The following KCNA2 variants were observed in gnomAD, a reference collection of about 807,000 sequenced individuals.
KCNA2 encodes potassium voltage-gated channel subfamily A member 2.
KCNA2 carries 11 observed loss-of-function variants against 33.4 expected under a neutral mutation model. The observed-to-expected ratio is 0.33, with a 90% confidence interval of 0.21 to 0.55. KCNA2 has a LOEUF of 0.55. Ranked by LOEUF, KCNA2 falls within the 20% of genes least tolerant of loss-of-function variation. The pLI, the probability that KCNA2 is intolerant of heterozygous loss-of-function variation, is 0.93. For synonymous variants in KCNA2, 222 were observed against 231.3 expected, an observed-to-expected ratio of 0.96 and a Z score of 0.37; for missense variants, 291 against 621.6, an observed-to-expected ratio of 0.47 and a Z score of 5.66.
chr1:110,619,357 G>C (rs1287525859), intron 1 of KCNA2, among the ~76,000 whole-genome samples: 1 of 152,200 alleles, frequency 6.6e-6, no homozygotes, highest in African/African-American at 2.4e-5. Flanking sequence ...CCTTGTGCCT[G>C]GCACATAGGA....
chr1:110,618,332 T>C (rs1247397076), intron 1 of KCNA2, among the ~76,000 whole-genome samples: 5 of 152,150 alleles, frequency 3.3e-5, no homozygotes, highest in Non-Finnish European at 5.9e-5. Context: ...GACATGTGAG[T>C]GACCTGTCAG....
At position 110,597,560 on chromosome 1, in the gene KCNA2, G is replaced by A. The variant is rs554822582; in HGVS notation, c.*5723C>T. On this transcript the variant is annotated 3_prime_UTR_variant, in exon 3 of 3. Transcript: ENST00000316361. ...ACAAAGTGACAAAGCCCTCTCACAG[G>A]CCTTCCTTGTGCATACACTGCATCT... 2 of 985,392 alleles carry A rather than the reference G, an allele frequency of 2.0e-6. No individual in the cohort carries two copies. The highest frequency in any genetic ancestry group is 6.1e-5 in the Admixed American group (1 of 16,282). The allele number at this position is 985,392 out of a possible 1,614,324, so 61.0% of individuals were successfully genotyped here. A position where few individuals can be genotyped will look rare whatever the true frequency, so the allele number is the denominator to read the frequency against.
chr1:110,601,650 T>A lies in KCNA2; in HGVS notation c.*1633A>T. On this transcript the variant is annotated 3_prime_UTR_variant, in exon 3 of 3. Coordinates refer to ENST00000316361, the MANE Select transcript of KCNA2 (RefSeq NM_004974.4). Reference sequence around the variant, plus strand: ...CTAGGAATCCATGGATACCGGAGTGTCTGAGGCAATGGCAGCAAACCCAGG... The same window carrying A: ...CTAGGAATCCATGGATACCGGAGTGACTGAGGCAATGGCAGCAAACCCAGG... 1.9e-6 allele frequency: 2 copies of A among 1,038,730 alleles called. No homozygotes were observed. Among genetic ancestry groups the A allele is most frequent in the Non-Finnish European group, 2.3e-6 (2 of 865,350 alleles). 64.3% of individuals were successfully genotyped at this position (1,038,730 alleles called of 1,614,324 possible). A position where few individuals can be genotyped will look rare whatever the true frequency, so the allele number is the denominator to read the frequency against.
rs114740156 is a variant in KCNA2 at position 110,602,437 on chromosome 1, C to T, written c.*846G>A. 3,430 of 1,307,070 alleles carry T rather than the reference C, an allele frequency of 2.6e-3. 90 individuals carry two copies. The African/African-American group carries it at 0.047, about 18-fold the overall frequency. 81.0% of individuals were successfully genotyped at this position (1,307,070 alleles called of 1,614,324 possible). On this transcript the variant is annotated 3_prime_UTR_variant, in exon 3 of 3. Coordinates refer to ENST00000316361, the MANE Select transcript of KCNA2 (RefSeq NM_004974.4). ...TCTATTGCATCACTGGTAAATTTCA[C>T]TGCAGTGTCAGTGTAGCTGGGCCAC...
chr1:110,621,831 A>G (rs1444797064), intron 1 of KCNA2, among the ~76,000 whole-genome samples: 2 of 152,206 alleles, frequency 1.3e-5, no homozygotes, highest in African/African-American at 4.8e-5. Flanking sequence ...TAAAAAATAA[A>G]TATGTAGTTT....
Position 110,601,893 on chromosome 1 carries a change from T to TAA in KCNA2, c.*1388_*1389dup, listed in dbSNP as rs2101386678. 4 of 1,453,784 alleles carry TAA rather than the reference T, an allele frequency of 2.8e-6. No individual in the cohort carries two copies. The Admixed American group carries it at 9.8e-5, about 36-fold the overall frequency. 90.1% of individuals were successfully genotyped at this position (1,453,784 alleles called of 1,614,324 possible). A position where few individuals can be genotyped will look rare whatever the true frequency, so the allele number is the denominator to read the frequency against. On this transcript the variant is annotated 3_prime_UTR_variant, in exon 3 of 3. Transcript: ENST00000316361. ...TAGTGCACATAGTCAAACACATGCATAAATTGCCCTTTGTCAAAAATATTG... is the reference window on the plus strand; with the variant it reads ...TAGTGCACATAGTCAAACACATGCATAAAAATTGCCCTTTGTCAAAAATATTG...
chr1:110,630,934 C>T (rs1650539880), intron 1 of KCNA2, among the ~76,000 whole-genome samples: 1 of 152,212 alleles, frequency 6.6e-6, no homozygotes, highest in South Asian at 2.1e-4. Flanking sequence ...TTCCTTTCCA[C>T]CACCACCAGA....
Position 110,604,710 on chromosome 1 carries a change from G to T in KCNA2, c.73C>A (p.Pro25Thr). ...TCACAGCACTCGTGGTCTGCCTCTGGGTCATAGGTGTCCTGTGGGTGCCCA... is the reference window on the plus strand; with the variant it reads ...TCACAGCACTCGTGGTCTGCCTCTGTGTCATAGGTGTCCTGTGGGTGCCCA... ...LPGHPQDTYD[P>T]EADHECCERV... Residue 25 changes from proline (P) to threonine (T), a missense_variant, in exon 3 of 3, where the codon CCA becomes ACA. Pro to Thr is a conservative substitution (Grantham distance 38). Coordinates refer to ENST00000316361, the MANE Select transcript of KCNA2 (RefSeq NM_004974.4). The surrounding 1 kb of genome is among the most constrained non-coding windows in gnomAD (Gnocchi z 7.6). 6.2e-7 allele frequency: 1 copy of T among 1,614,146 alleles called. No homozygotes were observed. Among genetic ancestry groups the T allele is most frequent in the Non-Finnish European group, 8.5e-7 (1 of 1,180,026 alleles).
chr1:110,597,531 G>GGA lies in KCNA2; in HGVS notation c.*5750_*5751dup. 1.0e-6 allele frequency: 1 copy of GGA among 985,328 alleles called. No homozygotes were observed. The highest frequency in any genetic ancestry group is 1.7e-5 in the African/African-American group (1 of 57,338). 61.0% of individuals were successfully genotyped at this position (985,328 alleles called of 1,614,324 possible). A position where few individuals can be genotyped will look rare whatever the true frequency, so the allele number is the denominator to read the frequency against. ...GGAGACAGAGAGGTGCACACAGGAA[G>GGA]GAGACAAAGTGACAAAGCCCTCTCA... On this transcript the variant is annotated 3_prime_UTR_variant, in exon 3 of 3. Coordinates refer to ENST00000316361, the MANE Select transcript of KCNA2 (RefSeq NM_004974.4).
At position 110,602,080 on chromosome 1, in the gene KCNA2, C is replaced by A; in HGVS notation, c.*1203G>T. 1.9e-6 allele frequency: 3 copies of A among 1,550,502 alleles called. No homozygotes were observed. The highest frequency in any genetic ancestry group is 1.2e-5 in the South Asian group (1 of 84,052). ...CTGGTCCACTGTACAGTCATGCCCG[C>A]GACTAGGTTAATTCCTAAGGTGCAG... is the stretch of plus-strand genomic sequence containing the variant. On this transcript the variant is annotated 3_prime_UTR_variant, in exon 3 of 3. Coordinates refer to ENST00000316361, the MANE Select transcript of KCNA2 (RefSeq NM_004974.4).
Position 110,600,129 on chromosome 1 carries a change from A to C in KCNA2, c.*3154T>G. ...GGCCAGGCAAAGGTGATTACATCTG[A>C]TCTTTTGTTTGTGCCTGTTAATTCA... On this transcript the variant is annotated 3_prime_UTR_variant, in exon 3 of 3. Transcript: ENST00000316361. The C allele has an allele frequency of 1.0e-6, 1 of 984,528 alleles. No homozygotes were observed. Among genetic ancestry groups the C allele is most frequent in the Non-Finnish European group, 1.2e-6 (1 of 829,786 alleles). 61.0% of individuals were successfully genotyped at this position (984,528 alleles called of 1,614,324 possible).
rs148095172 is a variant in KCNA2 at position 110,597,358 on chromosome 1, A to G, written c.*5925T>C. On this transcript the variant is annotated 3_prime_UTR_variant, in exon 3 of 3. Transcript: ENST00000316361. ...GGGAAGTGCTTTCGTGTAGGCTTCC[A>G]TTACATCTGCCAGACTGAGGGAAAG... 886 of 985,424 alleles carry G rather than the reference A, an allele frequency of 9.0e-4. 11 individuals carry two copies. The African/African-American group carries it at 0.015, about 17-fold the overall frequency. The allele number at this position is 985,424 out of a possible 1,614,324, so 61.0% of individuals were successfully genotyped here.
In KCNA2 at chr1:110,601,595, A is replaced by G; in HGVS notation, c.*1688T>C. 1.0e-6 allele frequency: 1 copy of G among 992,416 alleles called. No homozygotes were observed. Among genetic ancestry groups the G allele is most frequent in the Non-Finnish European group, 1.2e-6 (1 of 834,596 alleles). 61.5% of individuals were successfully genotyped at this position (992,416 alleles called of 1,614,324 possible). A position where few individuals can be genotyped will look rare whatever the true frequency, so the allele number is the denominator to read the frequency against. On this transcript the variant is annotated 3_prime_UTR_variant, in exon 3 of 3. Coordinates refer to ENST00000316361, the MANE Select transcript of KCNA2 (RefSeq NM_004974.4). Reference sequence around the variant, plus strand: ...CAGCCATGGGAACTGAAGCTGCAGCACATGGAGGGCAGAAAGACAATTCTA... The same window carrying G: ...CAGCCATGGGAACTGAAGCTGCAGCGCATGGAGGGCAGAAAGACAATTCTA...
intron 1 of KCNA2, among the ~76,000 whole-genome samples, chr1:110,628,635 C>T (rs568966789): frequency 2.6e-5 from 4 of 152,220 alleles, no homozygotes; most frequent in Admixed American, 1.3e-4. Context: ...ACAGGTGCCC[C>T]ATAAATATTT....
upstream of KCNA2, chr1:110,606,950 G>C (rs890584669): frequency 1.3e-5 from 2 of 152,758 alleles, no homozygotes; most frequent in African/African-American, 2.4e-5. Context: ...TATGCTGCCA[G>C]CTGCACTTCC....
At position 110,602,498 on chromosome 1, in the gene KCNA2, A is replaced by G. The variant is rs930956148; in HGVS notation, c.*785T>C. 1.5e-4 allele frequency: 168 copies of G among 1,152,636 alleles called. No homozygotes were observed. The highest frequency in any genetic ancestry group is 1.7e-4 in the Non-Finnish European group (160 of 935,322). 71.4% of individuals were successfully genotyped at this position (1,152,636 alleles called of 1,614,324 possible). A position where few individuals can be genotyped will look rare whatever the true frequency, so the allele number is the denominator to read the frequency against. On this transcript the variant is annotated 3_prime_UTR_variant, in exon 3 of 3. Coordinates refer to ENST00000316361, the MANE Select transcript of KCNA2 (RefSeq NM_004974.4). ...AAGCAGATGTCTGCAAACTCCAGTA[A>G]GAAACCAGACATGTTTTTGTGACCC...
At position 110,598,510 on chromosome 1, in the gene KCNA2, T is replaced by A. The variant is rs758640365; in HGVS notation, c.*4773A>T. On this transcript the variant is annotated 3_prime_UTR_variant, in exon 3 of 3. Coordinates refer to ENST00000316361, the MANE Select transcript of KCNA2 (RefSeq NM_004974.4). ...GGGTTGATACTGATAGAGTCCTCAC[T>A]ATAATATAGTGAGAGATCCAGGAAG... 7 of 985,302 alleles carry A rather than the reference T, an allele frequency of 7.1e-6. No individual in the cohort carries two copies. Among genetic ancestry groups the A allele is most frequent in the Non-Finnish European group, 7.2e-6 (6 of 829,920 alleles). 61.0% of individuals were successfully genotyped at this position (985,302 alleles called of 1,614,324 possible). A position where few individuals can be genotyped will look rare whatever the true frequency, so the allele number is the denominator to read the frequency against.
chr1:110,615,085 C>A (rs1650004371), intron 1 of KCNA2, among the ~76,000 whole-genome samples: 2 of 152,172 alleles, frequency 1.3e-5, no homozygotes, highest in African/African-American at 4.8e-5. Context: ...ACTCTGAGGC[C>A]TTGCAGAAAG....
chr1:110,601,463 A>G lies in KCNA2; in HGVS notation c.*1820T>C. On this transcript the variant is annotated 3_prime_UTR_variant, in exon 3 of 3. Coordinates refer to ENST00000316361, the MANE Select transcript of KCNA2 (RefSeq NM_004974.4). The stretch of plus-strand genomic sequence containing the variant: ...GGCAAGGGAAGAGGTGAAAATGGAG[A>G]TGATGAACAGGATGAACTGTAGAGA... The G allele has an allele frequency of 1.0e-6, 1 of 985,584 alleles. No homozygotes were observed. Among genetic ancestry groups the G allele is most frequent in the South Asian group, 4.7e-5 (1 of 21,284 alleles). 61.1% of individuals were successfully genotyped at this position (985,584 alleles called of 1,614,324 possible).
Sources: gnomAD v4.1 joint callset for allele counts (sites outside exome capture counted in the v4.1 genomes callset) on GRCh38, gnomAD v4.1.1 for gene constraint, Gnocchi (gnomAD v3.1) non-coding constraint, MANE v1.5 for transcripts, NCBI Gene and HGNC (gene_info 2026-07-23, HGNC 2026-07-21) for gene names.